Variants in NKAIN1 observed in about 807,000 individuals in gnomAD.
NKAIN1 encodes the protein sodium/potassium-transporting ATPase subunit beta-1-interacting protein 1.
A neutral mutation model predicts 31.6 loss-of-function variants in NKAIN1; 13 were observed. That is an observed-to-expected ratio of 0.41 (90% CI 0.27 to 0.65). The LOEUF (loss-of-function observed/expected upper bound fraction) is 0.65, where lower values mean the gene tolerates loss of function less well. Ranked by LOEUF, NKAIN1 falls within the 30% of genes least tolerant of loss-of-function variation. The pLI is 0.30. For synonymous variants in NKAIN1, 104 were observed against 109.0 expected, an observed-to-expected ratio of 0.95 and a Z score of 0.28; for missense variants, 193 against 262.2, an observed-to-expected ratio of 0.74 and a Z score of 1.82.
intron 1 of NKAIN1, among the ~76,000 whole-genome samples, chr1:31,206,460 G>A (rs574351115): frequency 2.6e-5 from 4 of 151,532 alleles, no homozygotes; most frequent in African/African-American, 9.7e-5. Flanking sequence ...TTTTGAGACA[G>A]GGTCTCACTG....
intron 1 of NKAIN1, among the ~76,000 whole-genome samples, chr1:31,234,995 TAAG>T (rs1344193342): frequency 1.3e-5 from 2 of 152,216 alleles, no homozygotes; most frequent in East Asian, 1.9e-4. Context: ...GGAATTGCAA[TAAG>T]AAGGATGAAA....
intron 2 of NKAIN1, among the ~76,000 whole-genome samples, chr1:31,185,759 T>C (rs1645236815): frequency 6.6e-6 from 1 of 152,090 alleles, no homozygotes; most frequent in Non-Finnish European, 1.5e-5. Flanking sequence ...ATTCTGAATT[T>C]CTAGGGATGT....
intron 1 of NKAIN1, among the ~76,000 whole-genome samples, chr1:31,190,091 G>C (rs1645273990): frequency 6.6e-6 from 1 of 152,238 alleles, no homozygotes; most frequent in Non-Finnish European, 1.5e-5. Context: ...CAACAGAAGA[G>C]GAGAGAAGAG....
At chr1:31,200,199 C>A (rs2377719) in intron 1 of NKAIN1, among the ~76,000 whole-genome samples, 114,903 of 152,146 alleles carry the variant, frequency 0.76, 43,834 homozygotes, top group Middle Eastern at 0.9. Flanking sequence ...GAAATGGCCA[C>A]GGCCATCACT....
intron 1 of NKAIN1, among the ~76,000 whole-genome samples, chr1:31,238,687 C>A (rs1241379422): frequency 1.3e-5 from 2 of 152,198 alleles, no homozygotes; most frequent in African/African-American, 4.8e-5. Flanking sequence ...GTGTCCCCAT[C>A]CCCACTGTTG....
intron 4 of NKAIN1, 137 bp from the exon 5 acceptor site, chr1:31,182,727 T>C: frequency 2.5e-6 from 2 of 789,818 alleles, no homozygotes; most frequent in Non-Finnish European, 4.1e-6. Flanking sequence ...AACTTCCAAT[T>C]AAATGTTTTC....
At chr1:31,229,533 C>A (rs1014724418) in intron 1 of NKAIN1, among the ~76,000 whole-genome samples, 6 of 152,110 alleles carry the variant, frequency 3.9e-5, no homozygotes, top group Non-Finnish European at 8.8e-5. Flanking sequence ...CCATGCCCAG[C>A]TAATCTTTTA....
chr1:31,207,366 T>G (rs1033159104), intron 1 of NKAIN1, among the ~76,000 whole-genome samples: 1 of 152,178 alleles, frequency 6.6e-6, no homozygotes, highest in East Asian at 1.9e-4. Context: ...GAAGCTTAAG[T>G]AGGGAATATG....
chr1:31,182,774 A>G (rs1405827410), intron 4 of NKAIN1, among the ~76,000 whole-genome samples, 184 bp from the exon 5 acceptor site: 1 of 152,220 alleles, frequency 6.6e-6, no homozygotes, highest in East Asian at 1.9e-4. Context: ...AACTCTTCTG[A>G]AAGTGTAACT....
At chr1:31,196,512 C>CAAAAAAAAAAAAAAAA (rs58194598) in intron 1 of NKAIN1, among the ~76,000 whole-genome samples, 3 of 91,376 alleles carry the variant, frequency 3.3e-5, no homozygotes, top group Non-Finnish European at 6.2e-5. Context: ...GACTCCTACT[C>CAAAAAAAAAAAAAAAA]AAAAAAAAAA....
intron 1 of NKAIN1, among the ~76,000 whole-genome samples, chr1:31,196,528 A>AT (rs1413239354): frequency 2.0e-5 from 3 of 149,820 alleles, no homozygotes; most frequent in Non-Finnish European, 4.4e-5. Flanking sequence ...AAAAAAAAAA[A>AT]ATAGAAAAAT....
chr1:31,198,645 C>A (rs1645349577), intron 1 of NKAIN1, among the ~76,000 whole-genome samples: 1 of 152,138 alleles, frequency 6.6e-6, no homozygotes, highest in Admixed American at 6.6e-5. Context: ...TACTTCAAAC[C>A]TAACTGGCCC....
At chr1:31,200,407 C>T (rs1259218227) in intron 1 of NKAIN1, among the ~76,000 whole-genome samples, 1 of 150,340 alleles carries the variant, frequency 6.7e-6, no homozygotes, top group African/African-American at 2.4e-5. Context: ...ATATGCACTT[C>T]TATAGTTCCG....
intron 4 of NKAIN1, 91 bp from the exon 5 acceptor site, chr1:31,182,681 G>T: frequency 7.1e-7 from 1 of 1,410,590 alleles, no homozygotes; most frequent in East Asian, 2.3e-5. Flanking sequence ...TGACTGGCAA[G>T]GGAGGAGGCA....
At position 31,188,109 on chromosome 1, in the gene NKAIN1, T is replaced by C. The variant is rs1570450983; in HGVS notation, c.133A>G (p.Met45Val). The C allele has an allele frequency of 1.3e-6, 2 of 1,553,058 alleles. No individual in the cohort carries two copies. Among genetic ancestry groups the C allele is most frequent in the Non-Finnish European group, 1.7e-6 (2 of 1,147,828 alleles). ...APILANFLHI[M>V]AVILGIFGTV... ...CCAAAGATGCCCAGGATGACTGCCA[T>C]GATGTGCAGGAAGTTGGCTAGGATG... The change falls in exon 2 of 7, where the codon ATG becomes GTG. Residue 45 changes from methionine (M) to valine (V), a missense_variant. Coordinates refer to ENST00000373736, the MANE Select transcript of NKAIN1 (RefSeq NM_024522.3).
chr1:31,193,225 C>T (rs1056824914), intron 1 of NKAIN1, among the ~76,000 whole-genome samples: 3 of 151,490 alleles, frequency 2.0e-5, no homozygotes, highest in Admixed American at 6.6e-5. Flanking sequence ...CCCGCCACCA[C>T]GCCCGGCTAA....
At chr1:31,237,426 C>T (rs1021623541) in intron 1 of NKAIN1, among the ~76,000 whole-genome samples, 4 of 152,032 alleles carry the variant, frequency 2.6e-5, no homozygotes, top group African/African-American at 9.7e-5. Flanking sequence ...TTATTATCGC[C>T]AACAGAGAAT....
At chr1:31,237,204 T>G (rs977708233) in intron 1 of NKAIN1, among the ~76,000 whole-genome samples, 2 of 152,142 alleles carry the variant, frequency 1.3e-5, no homozygotes, top group African/African-American at 2.4e-5. Flanking sequence ...TGAGCTATGA[T>G]TGCACCACTG....
chr1:31,200,702 C>T (rs1645373507), intron 1 of NKAIN1, among the ~76,000 whole-genome samples: 1 of 152,070 alleles, frequency 6.6e-6, no homozygotes, highest in South Asian at 2.1e-4. Context: ...CTCAAGTGAT[C>T]CTCCCCTGCC....
Sources: allele counts gnomAD v4.1 joint callset (sites outside exome capture counted in the v4.1 genomes callset), GRCh38; gene constraint gnomAD v4.1.1; transcripts MANE v1.5; gene names NCBI Gene and HGNC (gene_info 2026-07-23, HGNC 2026-07-21).